NXPE2: variants seen among roughly 807,000 people sequenced by gnomAD.
NXPE2 encodes neurexophilin and PC-esterase domain family member 2, also known as NXPE family member 2.
Under a neutral mutation model 34.4 loss-of-function variants are expected in NXPE2, and 34 were observed. That is an observed-to-expected ratio of 0.99 (90% CI 0.75 to 1.31). The LOEUF (loss-of-function observed/expected upper bound fraction) is 1.31. NXPE2 is among the 40% of genes most tolerant of loss of function. The pLI is 0.00. For missense variants in NXPE2, 649 were observed against 672.5 expected, an observed-to-expected ratio of 0.97 and a Z score of 0.39; for synonymous variants, 235 against 231.3, an observed-to-expected ratio of 1.02 and a Z score of -0.15.
chr11:114,664,449 C>CA, the NXPE2 span, among the ~76,000 whole-genome samples: 13,834 of 150,918 alleles, frequency 0.092, 781 homozygotes, highest in Middle Eastern at 0.2. Flanking sequence ...CAACTGTAAA[C>CA]AAAAAAAAAT....
chr11:114,810,102 A>G, the NXPE2 span, among the ~76,000 whole-genome samples: 3 of 147,790 alleles, frequency 2.0e-5, no homozygotes, highest in Non-Finnish European at 4.5e-5. Flanking sequence ...AGGATTCCCT[A>G]TTTAATAAAT....
the NXPE2 span, among the ~76,000 whole-genome samples, chr11:114,494,602 C>A: frequency 7.9e-5 from 12 of 152,116 alleles, no homozygotes; most frequent in African/African-American, 2.9e-4. Context: ...TTCTGACTTT[C>A]TTCTCTGTTA....
chr11:114,639,966 TATTATATATA>T, the NXPE2 span, among the ~76,000 whole-genome samples: 43 of 74,972 alleles, frequency 5.7e-4, no homozygotes, highest in Non-Finnish European at 6.7e-4. Context: ...GTATTAAATA[TATTATATATA>T]ATATAATATA....
At chr11:114,771,139 T>C in the NXPE2 span, among the ~76,000 whole-genome samples, 1 of 151,884 alleles carries the variant, frequency 6.6e-6, no homozygotes, top group Non-Finnish European at 1.5e-5. Context: ...ACTGACTGAC[T>C]TTTCTCCAGG....
chr11:114,635,213 T>A, the NXPE2 span, among the ~76,000 whole-genome samples: 1 of 150,082 alleles, frequency 6.7e-6, no homozygotes, highest in Non-Finnish European at 1.5e-5. Context: ...GGTATTTTAT[T>A]ATCTTTGAAG....
At chr11:114,644,787 G>C in the NXPE2 span, among the ~76,000 whole-genome samples, 1 of 151,152 alleles carries the variant, frequency 6.6e-6, no homozygotes, top group African/African-American at 2.4e-5. Flanking sequence ...ATCTGCAGAG[G>C]ATGAAAATAA....
At chr11:114,555,551 G>A in the NXPE2 span, among the ~76,000 whole-genome samples, 1 of 152,124 alleles carries the variant, frequency 6.6e-6, no homozygotes, top group Non-Finnish European at 1.5e-5. Context: ...TAAGTGCACT[G>A]TTTTATGAAT....
the NXPE2 span, among the ~76,000 whole-genome samples, chr11:114,635,154 T>C: frequency 6.6e-6 from 1 of 150,992 alleles, no homozygotes; most frequent in Non-Finnish European, 1.5e-5. Flanking sequence ...CAGTGGTTTG[T>C]AGTTCTCCTT....
chr11:114,647,503 A>G, the NXPE2 span, among the ~76,000 whole-genome samples: 2 of 152,194 alleles, frequency 1.3e-5, no homozygotes, highest in East Asian at 1.9e-4. Flanking sequence ...CTCACTAACT[A>G]TGTAAGTTTC....
At chr11:114,589,889 C>A in the NXPE2 span, among the ~76,000 whole-genome samples, 17 of 152,168 alleles carry the variant, frequency 1.1e-4, no homozygotes, top group Non-Finnish European at 2.4e-4. Context: ...ATTAATGAGG[C>A]CATAGTCTCA....
At chr11:114,785,077 G>A in the NXPE2 span, among the ~76,000 whole-genome samples, 5 of 152,000 alleles carry the variant, frequency 3.3e-5, no homozygotes, top group Admixed American at 3.3e-4. Flanking sequence ...CTGTGATCTC[G>A]TATTCTATTA....
At chr11:114,775,957 C>T in the NXPE2 span, among the ~76,000 whole-genome samples, 1 of 152,110 alleles carries the variant, frequency 6.6e-6, no homozygotes, top group African/African-American at 2.4e-5. Flanking sequence ...AGTCTGGCCA[C>T]AGTGAGAATG....
chr11:114,750,736 A>G, the NXPE2 span, among the ~76,000 whole-genome samples: 1 of 152,232 alleles, frequency 6.6e-6, no homozygotes, highest in African/African-American at 2.4e-5. Context: ...ATATTTGGTT[A>G]CAATATAACA....
chr11:114,754,946 C>A, the NXPE2 span, among the ~76,000 whole-genome samples: 1 of 152,286 alleles, frequency 6.6e-6, no homozygotes, highest in East Asian at 1.9e-4. Flanking sequence ...AAACAACCAG[C>A]ATGGCTACAA....
chr11:114,694,643 T>C (rs1951214234), intron 2 of NXPE2, among the ~76,000 whole-genome samples: 1 of 152,220 alleles, frequency 6.6e-6, no homozygotes, highest in Non-Finnish European at 1.5e-5. Context: ...GCTTTTTCTC[T>C]TGTTTTTAGT....
At chr11:114,496,688 A>G in the NXPE2 span, among the ~76,000 whole-genome samples, 1 of 152,144 alleles carries the variant, frequency 6.6e-6, no homozygotes, top group South Asian at 2.1e-4. Context: ...TACAATACCC[A>G]ATTACTCTAA....
chr11:114,556,563 G>A, the NXPE2 span, among the ~76,000 whole-genome samples: 1 of 151,876 alleles, frequency 6.6e-6, no homozygotes, highest in Non-Finnish European at 1.5e-5. Context: ...TACACACTGA[G>A]GTATATTGTC....
chr11:114,595,059 T>C, the NXPE2 span, among the ~76,000 whole-genome samples: 1 of 152,130 alleles, frequency 6.6e-6, no homozygotes, highest in Non-Finnish European at 1.5e-5. Flanking sequence ...TGCTCGTGTC[T>C]AGATGAAGTC....
downstream of NXPE2, among the ~76,000 whole-genome samples, chr11:114,707,946 A>G (rs925515163): frequency 2.0e-5 from 3 of 152,148 alleles, no homozygotes; most frequent in Admixed American, 1.3e-4. Context: ...TCATTTGTTG[A>G]TCGACATTTG....
Sources: allele counts gnomAD v4.1 joint callset (sites outside exome capture counted in the v4.1 genomes callset), GRCh38; gene constraint gnomAD v4.1.1; transcripts MANE v1.5; gene names NCBI Gene and HGNC (gene_info 2026-07-23, HGNC 2026-07-21).